The following SASH1 variants were observed in gnomAD, a reference collection of about 807,000 sequenced individuals.
The protein encoded by SASH1 is SAM and SH3 domain-containing protein 1.
SASH1 carries 44 observed loss-of-function variants against 125.2 expected under a neutral mutation model. The observed-to-expected ratio is 0.35, with a 90% CI of 0.28 to 0.45. SASH1 has a LOEUF of 0.45. Ranked by LOEUF, SASH1 falls within the 20% of genes least tolerant of loss-of-function variation. SASH1 has a pLI of 1.00. For missense variants in SASH1, 1,426 were observed against 1,614.5 expected (o/e 0.88, Z 2.00); for synonymous variants, 639 against 649.1 (o/e 0.98, Z 0.24).
chr6:148,548,645 G>A lies in SASH1; in HGVS notation c.*87G>A, dbSNP rs528181533. ...TGCAATTCCTCCATCATCTCTGGAC[G>A]TGCAGACCAGATCCAGAAGAAAGGC... is the stretch of plus-strand genomic sequence containing the variant. On this transcript the variant is annotated 3_prime_UTR_variant, in exon 20 of 20. Coordinates refer to ENST00000367467, the MANE Select transcript of SASH1 (RefSeq NM_015278.5). 4.1e-5 allele frequency: 58 copies of A among 1,429,274 alleles called. No homozygotes were observed. The highest frequency in any genetic ancestry group is 1.9e-4 in the South Asian group (14 of 72,362). The allele number at this position is 1,429,274 out of a possible 1,614,324, so 88.5% of individuals were successfully genotyped here.
At chr6:148,525,233 C>T in intron 10 of SASH1, 58 bp from the exon 11 acceptor site, 1 of 1,270,998 alleles carries the variant, frequency 7.9e-7, no homozygotes, top group Non-Finnish European at 1.2e-6. Context: ...TGGGTTGGTG[C>T]ACTGCCGGCT....
chr6:148,518,919 T>TTGA, intron 9 of SASH1, among the ~76,000 whole-genome samples: 1 of 152,266 alleles, frequency 6.6e-6, no homozygotes, highest in Non-Finnish European at 1.5e-5. Flanking sequence ...GAGGCCTGAG[T>TTGA]TGATGGGAGT....
intron 1 of SASH1, among the ~76,000 whole-genome samples, chr6:148,364,656 A>G (rs935590202): frequency 6.6e-6 from 1 of 152,184 alleles, no homozygotes; most frequent in Non-Finnish European, 1.5e-5. Context: ...TTCTGTAGAT[A>G]CAAGGTCAAG....
intron 1 of SASH1, among the ~76,000 whole-genome samples, chr6:148,308,274 G>GC (rs10693455): frequency 4.6e-4 from 69 of 150,040 alleles, no homozygotes; most frequent in East Asian, 1.6e-3. Flanking sequence ...TATTAAATCC[G>GC]CCCCCCCCAA....
intron 1 of SASH1, among the ~76,000 whole-genome samples, chr6:148,318,356 T>C (rs1470213466): frequency 6.6e-6 from 1 of 152,188 alleles, no homozygotes; most frequent in East Asian, 1.9e-4. Context: ...TTAAACAGCA[T>C]AGTAACAGTA....
intron 2 of SASH1, among the ~76,000 whole-genome samples, chr6:148,392,636 C>T (rs1445260881): frequency 6.6e-6 from 1 of 152,186 alleles, no homozygotes; most frequent in Non-Finnish European, 1.5e-5. Context: ...TCAGGAGTAA[C>T]ATTATATCAT....
chr6:148,379,345 C>T (rs375956080), intron 1 of SASH1, among the ~76,000 whole-genome samples: 27 of 152,130 alleles, frequency 1.8e-4, no homozygotes, highest in African/African-American at 6.3e-4. Flanking sequence ...TTGATATTCC[C>T]TCTGTATGGA....
chr6:148,502,425 T>C (rs866423872), intron 8 of SASH1, among the ~76,000 whole-genome samples: 10 of 152,366 alleles, frequency 6.6e-5, no homozygotes, highest in African/African-American at 1.7e-4. Flanking sequence ...AAACACACTT[T>C]CAAGTAACTC....
chr6:148,433,410 T>TC (rs1219077711), intron 2 of SASH1, among the ~76,000 whole-genome samples: 2 of 139,804 alleles, frequency 1.4e-5, no homozygotes, highest in African/African-American at 5.9e-5. Context: ...TTTTTTCTTT[T>TC]TTTTTTTTTT....
intron 4 of SASH1, among the ~76,000 whole-genome samples, chr6:148,440,928 C>T (rs1776519154): frequency 1.3e-5 from 2 of 152,184 alleles, no homozygotes; most frequent in Admixed American, 1.3e-4. Flanking sequence ...GCTTCCTTGA[C>T]CCAACTTGGA....
At chr6:148,456,390 GCAAA>G (rs1777348709) in intron 4 of SASH1, among the ~76,000 whole-genome samples, 1 of 152,192 alleles carries the variant, frequency 6.6e-6, no homozygotes. Context: ...CCTGCCTCAC[GCAAA>G]CAGAGGGCCA....
intron 1 of SASH1, among the ~76,000 whole-genome samples, chr6:148,322,742 C>T (rs1186616223): frequency 1.3e-5 from 2 of 152,212 alleles, no homozygotes; most frequent in African/African-American, 4.8e-5. Flanking sequence ...GTCTCTCTCT[C>T]TCTCAGACAT....
intron 2 of SASH1, among the ~76,000 whole-genome samples, chr6:148,421,826 A>G (rs1785117935): frequency 6.6e-6 from 1 of 152,208 alleles, no homozygotes; most frequent in Non-Finnish European, 1.5e-5. Flanking sequence ...CTCGTTATTT[A>G]TAAGAGCACA....
chr6:148,373,733 G>A (rs1782782888), intron 1 of SASH1, among the ~76,000 whole-genome samples: 1 of 151,950 alleles, frequency 6.6e-6, no homozygotes. Context: ...ACTTTGGGAG[G>A]CCAAGGTGGG....
chr6:148,263,188 G>A, the SASH1 span, among the ~76,000 whole-genome samples: 1 of 151,654 alleles, frequency 6.6e-6, no homozygotes, highest in Non-Finnish European at 1.5e-5. Context: ...ATGAGTCAGT[G>A]AATGAATATG....
intron 8 of SASH1, among the ~76,000 whole-genome samples, chr6:148,505,838 A>G (rs529859936): frequency 2.0e-5 from 3 of 150,622 alleles, no homozygotes; most frequent in Non-Finnish European, 2.9e-5. Flanking sequence ...GGGTTTCACC[A>G]TGTTGTTCAG....
intron 15 of SASH1, 142 bp downstream of exon 15, chr6:148,534,122 A>G: frequency 3.0e-6 from 2 of 659,054 alleles, no homozygotes; most frequent in East Asian, 2.7e-5. Flanking sequence ...TATGATGAGC[A>G]TTCATTATTC....
the SASH1 span, among the ~76,000 whole-genome samples, chr6:148,206,831 A>ACACACACAC: frequency 6.6e-6 from 1 of 151,218 alleles, no homozygotes; most frequent in South Asian, 2.1e-4. Flanking sequence ...ACACACACAC[A>ACACACACAC]AATTAACATA....
chr6:148,494,639 A>G (rs1339497860), intron 8 of SASH1, among the ~76,000 whole-genome samples: 1 of 152,174 alleles, frequency 6.6e-6, no homozygotes, highest in African/African-American at 2.4e-5. Flanking sequence ...AAAACAAAAA[A>G]CAAAAACAAA....
Sources: gnomAD v4.1 joint callset for allele counts (sites outside exome capture counted in the v4.1 genomes callset) on GRCh38, gnomAD v4.1.1 for gene constraint, MANE v1.5 for transcripts, NCBI Gene and HGNC (gene_info 2026-07-23, HGNC 2026-07-21) for gene names.